The following TAF3 variants were observed in gnomAD, a reference collection of about 807,000 sequenced individuals.
The protein encoded by TAF3 is TATA-box binding protein associated factor 3, also known as transcription initiation factor TFIID subunit 3.
In TAF3, 7 loss-of-function variants were observed where a neutral mutation model predicts 80.6. The ratio of observed to expected loss-of-function variants is 0.09; its 90% CI spans 0.05 to 0.16. TAF3 has a LOEUF of 0.16. Ranked by LOEUF, TAF3 falls within the 10% of genes least tolerant of loss-of-function variation. The pLI is 1.00. For missense variants in TAF3, 921 were observed against 1,140.2 expected, an observed-to-expected ratio of 0.81 and a Z score of 2.77; for synonymous variants, 444 against 446.1, an observed-to-expected ratio of 1.00 and a Z score of 0.06.
chr10:7,883,874 G>T (rs1188879551), intron 2 of TAF3, among the ~76,000 whole-genome samples: 1 of 152,228 alleles, frequency 6.6e-6, no homozygotes, highest in Non-Finnish European at 1.5e-5. Flanking sequence ...AGGTAGAGGG[G>T]CTACATCTAG....
chr10:8,003,989 T>C (rs1333260519), intron 4 of TAF3, among the ~76,000 whole-genome samples: 1 of 152,236 alleles, frequency 6.6e-6, no homozygotes, highest in Non-Finnish European at 1.5e-5. Context: ...AATGGGTTCA[T>C]TGTCGTTACT....
At chr10:7,894,887 G>GTTC (rs1163465061) in intron 2 of TAF3, among the ~76,000 whole-genome samples, 1 of 151,978 alleles carries the variant, frequency 6.6e-6, no homozygotes, top group Non-Finnish European at 1.5e-5. Context: ...TGTTGTTGTT[G>GTTC]TGGATTTTTG....
intron 2 of TAF3, among the ~76,000 whole-genome samples, chr10:7,962,040 G>C (rs1831507916): frequency 6.6e-6 from 1 of 151,842 alleles, no homozygotes; most frequent in South Asian, 2.1e-4. Flanking sequence ...TAGTAAAGAT[G>C]GGGTCTCACT....
chr10:7,884,981 T>TCAA (rs1837395560), intron 2 of TAF3, among the ~76,000 whole-genome samples: 1 of 144,598 alleles, frequency 6.9e-6, no homozygotes, highest in Non-Finnish European at 1.5e-5. Context: ...ATCTGGAGTT[T>TCAA]AATTTTTGTT....
chr10:7,865,233 C>T (rs575972000), intron 2 of TAF3, among the ~76,000 whole-genome samples: 59 of 151,972 alleles, frequency 3.9e-4, no homozygotes, highest in South Asian at 1.0e-3. Context: ...TCTGGGAGGC[C>T]GAGGCGGGCG....
intron 2 of TAF3, among the ~76,000 whole-genome samples, chr10:7,856,304 C>T (rs1401991366): frequency 1.1e-4 from 17 of 151,874 alleles, no homozygotes; most frequent in Admixed American, 5.2e-4. Flanking sequence ...GGTGAAACCC[C>T]GTCTCTACTA....
At position 7,965,597 on chromosome 10, in the gene TAF3, T is replaced by C. The variant is rs1244229; in HGVS notation, c.2087T>C (p.Val696Ala). Residue 696 changes from valine (V) to alanine (A), a missense_variant, in exon 3 of 7, where the codon GTG (valine) becomes GCG (alanine). Physicochemically the swap from Val to Ala is moderately conservative, Grantham distance 64. Transcript: ENST00000344293. ...PEKLFEEKEK[V>A]KEKEKKKDKK... ...AAACTGTTTGAGGAGAAAGAGAAGG[T>C]GAAGGAGAAAGAAAAGAAAAAGGAC... is the stretch of plus-strand genomic sequence containing the variant. 1,123,644 of 1,588,220 alleles carry C rather than the reference T, an allele frequency of 0.71. 398,234 individuals carry two copies. Among genetic ancestry groups the C allele is most frequent in the Admixed American group, 0.81 (45,193 of 55,606 alleles).
chr10:7,928,555 A>G (rs1837837764), intron 2 of TAF3, among the ~76,000 whole-genome samples: 1 of 152,248 alleles, frequency 6.6e-6, no homozygotes, highest in Non-Finnish European at 1.5e-5. Context: ...ATTATCAATA[A>G]TAATTACTGT....
In TAF3 at chr10:7,863,626, A is replaced by AAAAAAAT. The variant is rs1218836662; in HGVS notation, c.409+39067_409+39068insAAAAATA. ...CTCTGTCTAAAAAAAAAAAAAAAAA[A>AAAAAAAT]ATATATATATATATATATATACACA... On this transcript the variant is annotated intron_variant, in intron 2 of 6. Transcript: ENST00000344293. 2.5e-3 allele frequency among the ~76,000 whole-genome samples: 121 copies of AAAAAAAT among 48,082 alleles called. 6 individuals carry two copies. The highest frequency in any genetic ancestry group is 0.019 in the Middle Eastern group (1 of 52). 31.5% of individuals were successfully genotyped at this position (48,082 alleles called of 152,430 possible).
In TAF3 at chr10:7,824,331, C is replaced by T. The variant is rs1244602029; in HGVS notation, c.180C>T (p.Asp60=). The T allele has an allele frequency of 6.2e-7, 1 of 1,613,402 alleles. No homozygotes were observed. The highest frequency in any genetic ancestry group is 1.1e-5 in the South Asian group (1 of 91,036). Residue 60 remains aspartate, a synonymous_variant, in exon 2 of 7, where the codon GAC becomes GAT. Coordinates refer to ENST00000344293, the MANE Select transcript of TAF3 (RefSeq NM_031923.4). ...ACTTTGTTTCAGATGGCCGAACAGA[C>T]CCAATTTTGGATGATGTTGGTGAAG... ...HRYSELYGRT[D]PILDDVGEAF... is the part of the protein sequence containing the mutation.
At chr10:7,957,290 G>A (rs1438346111) in intron 2 of TAF3, among the ~76,000 whole-genome samples, 4 of 152,182 alleles carry the variant, frequency 2.6e-5, no homozygotes, top group Non-Finnish European at 5.9e-5. Flanking sequence ...TAGGGCAGAC[G>A]ATGGGGAGAT....
chr10:7,936,716 G>T (rs573047496), intron 2 of TAF3, among the ~76,000 whole-genome samples: 1 of 152,090 alleles, frequency 6.6e-6, no homozygotes, highest in African/African-American at 2.4e-5. Context: ...TACATTAGGG[G>T]TTGCTCTTGG....
chr10:7,879,985 G>A (rs1267479427), intron 2 of TAF3, among the ~76,000 whole-genome samples: 3 of 152,160 alleles, frequency 2.0e-5, no homozygotes, highest in East Asian at 3.9e-4. Context: ...TGCAGCAAGA[G>A]GAGCACTTGA....
chr10:8,010,170 G>A (rs1203934886), intron 5 of TAF3, among the ~76,000 whole-genome samples: 1 of 152,160 alleles, frequency 6.6e-6, no homozygotes, highest in South Asian at 2.1e-4. Flanking sequence ...GCCTCCCAAC[G>A]TGCTGAGATG....
chr10:7,847,062 T>G (rs921735207), intron 2 of TAF3, among the ~76,000 whole-genome samples: 1 of 152,216 alleles, frequency 6.6e-6, no homozygotes, highest in African/African-American at 2.4e-5. Context: ...AGAAAAAAAT[T>G]GACATGTTTC....
At chr10:7,936,406 G>C (rs1234092867) in intron 2 of TAF3, among the ~76,000 whole-genome samples, 3 of 152,048 alleles carry the variant, frequency 2.0e-5, no homozygotes, top group African/African-American at 7.2e-5. Flanking sequence ...ATACGATTAA[G>C]GATCAAATGT....
chr10:7,870,870 A>T (rs1837258637), intron 2 of TAF3, among the ~76,000 whole-genome samples: 1 of 152,254 alleles, frequency 6.6e-6, no homozygotes, highest in South Asian at 2.1e-4. Context: ...TCTAAGCCTT[A>T]CCTTTCTTGA....
In TAF3 at chr10:8,015,483, T is replaced by C. The variant is rs1265804221; in HGVS notation, c.*732T>C. On this transcript the variant is annotated 3_prime_UTR_variant, in exon 7 of 7. Transcript: ENST00000344293. Reference sequence around the variant, plus strand: ...ACTGCTTGTACATTTCATCAACTTGTATAAAAACTCTTCAGACTAAAAGAT... The same window carrying C: ...ACTGCTTGTACATTTCATCAACTTGCATAAAAACTCTTCAGACTAAAAGAT... 1 of 152,224 alleles carries C rather than the reference T, an allele frequency of 6.6e-6. No homozygotes were observed. The highest frequency in any genetic ancestry group is 1.5e-5 in the Non-Finnish European group (1 of 68,042). The allele number at this position is 152,224 out of a possible 1,614,324, so 9.4% of individuals were successfully genotyped here.
chr10:7,993,899 T>C (rs2131429925), intron 4 of TAF3, among the ~76,000 whole-genome samples: 1 of 150,236 alleles, frequency 6.7e-6, no homozygotes, highest in East Asian at 1.9e-4. Context: ...TTTTTTTTTT[T>C]TTTTTACTTG....
Sources: gnomAD v4.1 joint callset for allele counts (sites outside exome capture counted in the v4.1 genomes callset) on GRCh38, gnomAD v4.1.1 for gene constraint, MANE v1.5 for transcripts, NCBI Gene and HGNC (gene_info 2026-07-23, HGNC 2026-07-21) for gene names.